TRAF2: variants seen among roughly 807,000 people sequenced by gnomAD.
TRAF2 encodes the protein TNF receptor associated factor 2, also known as TNF receptor-associated factor 2.
A neutral mutation model predicts 55.6 loss-of-function variants in TRAF2; 6 were observed. The ratio of observed to expected loss-of-function variants is 0.11; its 90% CI spans 0.06 to 0.21. TRAF2 has a LOEUF of 0.21. Ranked by LOEUF, TRAF2 falls within the 10% of genes least tolerant of loss-of-function variation. The pLI is 1.00. For synonymous variants in TRAF2, 329 were observed against 276.3 expected, an observed-to-expected ratio of 1.19 and a Z score of -1.89; for missense variants, 561 against 684.5, an observed-to-expected ratio of 0.82 and a Z score of 2.01.
chr9:136,901,410 A>G (rs1849817286), intron 4 of TRAF2, among the ~76,000 whole-genome samples: 1 of 152,224 alleles, frequency 6.6e-6, no homozygotes, highest in Non-Finnish European at 1.5e-5. Context: ...CTGTGCACAC[A>G]GTGGGATATG....
rs150041289 is a variant in TRAF2, at chr9:136,916,437, G to A, written c.604-104G>A. ...TCAGTGTGAGAGTGAAGAGGCCAAC[G>A]GGGCAGGTCATGTAACCTCTGTGTC... On this transcript the variant is annotated intron_variant, in intron 6 of 10. Transcript: ENST00000247668. 9.6e-4 allele frequency: 1,133 copies of A among 1,174,608 alleles called. 10 individuals are homozygous for A. The African/African-American group carries it at 0.015, about 16-fold the overall frequency. 72.8% of individuals were successfully genotyped at this position (1,174,608 alleles called of 1,614,324 possible). A position where few individuals can be genotyped will look rare whatever the true frequency, so the allele number is the denominator to read the frequency against.
In TRAF2 at chr9:136,921,140, A is replaced by C. The variant is rs777030483; in HGVS notation, c.1063A>C (p.Ile355Leu). 6.8e-6 allele frequency: 11 copies of C among 1,613,974 alleles called. No homozygotes were observed. In the East Asian group the frequency reaches 2.2e-4, roughly 33 times the overall value. Reference protein sequence around the residue: ...MEASTYDGVFIWKISDFARKR... With the variant: ...MEASTYDGVFLWKISDFARKR... ...GGCATCCACCTACGATGGGGTCTTC[A>C]TCTGGAAGATCTCAGACTTCGCCAG... The change falls in exon 9 of 11, where the codon ATC becomes CTC. Residue 355 changes from isoleucine to leucine, a missense_variant. Around this residue, in one of 2 missense-constraint regions of TRAF2, gnomAD observed 426 missense variants for 476.8 expected, o/e 0.89. Transcript: ENST00000247668.
At chr9:136,907,992 C>T in intron 4 of TRAF2, 78 bp from the exon 5 acceptor site, 1 of 1,528,736 alleles carries the variant, frequency 6.5e-7, no homozygotes, top group Admixed American at 1.9e-5. Flanking sequence ...GCTACATCGC[C>T]TTGTGTCCCC....
intron 1 of TRAF2, among the ~76,000 whole-genome samples, chr9:136,888,863 C>A (rs1183761959): frequency 6.6e-6 from 1 of 152,148 alleles, no homozygotes; most frequent in African/African-American, 2.4e-5. Context: ...AACAAGGGTG[C>A]CAGATGCCCC....
chr9:136,922,638 G>A lies in TRAF2; in HGVS notation c.1139-1214G>A, dbSNP rs190461192. On this transcript the variant is annotated intron_variant, in intron 9 of 10. Transcript: ENST00000247668. ...GAGGATGGGGAGGATGGGCCTGGGG[G>A]CACGGTGGAGGACGAGGATGGGGAG... 1,179 of 154,326 alleles carry A rather than the reference G, an allele frequency of 7.6e-3. 5 individuals are homozygous for A. Among genetic ancestry groups the A allele is most frequent in the Middle Eastern group, 0.016 (5 of 322 alleles). 9.6% of individuals were successfully genotyped at this position (154,326 alleles called of 1,614,324 possible).
At chr9:136,911,129 C>A (rs1369478239) in intron 6 of TRAF2, among the ~76,000 whole-genome samples, 1 of 152,208 alleles carries the variant, frequency 6.6e-6, no homozygotes, top group Non-Finnish European at 1.5e-5. Context: ...GTGATTCTTT[C>A]CTTGAGACTG....
chr9:136,885,246 TG>T (rs1430700613), upstream of TRAF2, among the ~76,000 whole-genome samples: 1 of 152,238 alleles, frequency 6.6e-6, no homozygotes, highest in Non-Finnish European at 1.5e-5. Context: ...ATTCCATCCT[TG>T]AGGAGTCCCG....
At chr9:136,914,898 G>A (rs1005367315) in intron 6 of TRAF2, among the ~76,000 whole-genome samples, 7 of 151,884 alleles carry the variant, frequency 4.6e-5, no homozygotes, top group Middle Eastern at 3.4e-3. Context: ...AAAAAAAAAA[G>A]GCCGGGTGCG....
At chr9:136,892,192 G>A (rs1036287854) in intron 1 of TRAF2, among the ~76,000 whole-genome samples, 26 of 151,936 alleles carry the variant, frequency 1.7e-4, no homozygotes, top group African/African-American at 5.1e-4. Context: ...GGCCAGGCGC[G>A]GTGGCTCACG....
chr9:136,897,270 A>C (rs1246606428), intron 1 of TRAF2, among the ~76,000 whole-genome samples: 4 of 150,558 alleles, frequency 2.7e-5, no homozygotes, highest in Non-Finnish European at 1.5e-5. Context: ...CATGGCACTG[A>C]GTGGCTGAGG....
chr9:136,908,339 C>G (rs945738111), intron 5 of TRAF2, 108 bp downstream of exon 5: 5 of 1,237,086 alleles, frequency 4.0e-6, no homozygotes, highest in Non-Finnish European at 5.4e-6. Flanking sequence ...ACTCGTTCCA[C>G]CCCCTCGGCC....
chr9:136,913,432 G>T (rs1173132357), intron 6 of TRAF2, among the ~76,000 whole-genome samples: 1 of 149,970 alleles, frequency 6.7e-6, no homozygotes, highest in Non-Finnish European at 1.5e-5. Context: ...CTAGTAGCTG[G>T]GATTACAGGT....
At chr9:136,917,382 C>T (rs1199669016) in intron 7 of TRAF2, among the ~76,000 whole-genome samples, 2 of 152,236 alleles carry the variant, frequency 1.3e-5, no homozygotes, top group Admixed American at 6.5e-5. Flanking sequence ...AATGGCCAGG[C>T]GCCTGGGTCT....
At chr9:136,889,008 G>T (rs936366233) in intron 1 of TRAF2, among the ~76,000 whole-genome samples, 5 of 151,972 alleles carry the variant, frequency 3.3e-5, no homozygotes, top group African/African-American at 1.2e-4. Context: ...TGGACTACAG[G>T]CACCCGCCAC....
At chr9:136,897,062 C>T (rs1413813960) in intron 1 of TRAF2, among the ~76,000 whole-genome samples, 1 of 152,218 alleles carries the variant, frequency 6.6e-6, no homozygotes, top group African/African-American at 2.4e-5. Context: ...CAGGCCCCTT[C>T]CTGAGGTTCC....
At position 136,926,360 on chromosome 9, in the gene TRAF2, A is replaced by G. The variant is rs1340774014; in HGVS notation, c.*459A>G. ...GGCCTCCTGCTGGCCAGAGCAAGGA[A>G]GGCTGAGCAGCTTGGTTCTCCCCTC... is the stretch of plus-strand genomic sequence containing the variant. On this transcript the variant is annotated 3_prime_UTR_variant, in exon 11 of 11. Coordinates refer to ENST00000247668, the MANE Select transcript of TRAF2 (RefSeq NM_021138.4). The G allele has an allele frequency of 5.9e-6, 2 of 341,786 alleles. No individual in the cohort carries two copies. The highest frequency in any genetic ancestry group is 1.2e-5 in the Non-Finnish European group (2 of 172,732). 21.2% of individuals were successfully genotyped at this position (341,786 alleles called of 1,614,324 possible).
chr9:136,908,340 C>A (rs1042699782), intron 5 of TRAF2, 109 bp downstream of exon 5: 4 of 1,237,612 alleles, frequency 3.2e-6, no homozygotes, highest in Non-Finnish European at 4.3e-6. Flanking sequence ...CTCGTTCCAC[C>A]CCCTCGGCCC....
intron 6 of TRAF2, among the ~76,000 whole-genome samples, chr9:136,913,684 T>G (rs936843925): frequency 6.6e-6 from 1 of 152,200 alleles, no homozygotes; most frequent in Non-Finnish European, 1.5e-5. Context: ...TTCAGGTTCT[T>G]TTAAAATGTG....
rs142304423 is a variant in TRAF2 at position 136,895,754 on chromosome 9, C to T, written c.-28-2959C>T. Among the ~76,000 whole-genome samples, 27 of 149,624 alleles carry T rather than the reference C, an allele frequency of 1.8e-4. No homozygotes were observed. The East Asian group carries it at 3.7e-3, about 21-fold the overall frequency. On this transcript the variant is annotated intron_variant, in intron 1 of 10. Transcript: ENST00000247668. ...GTCCCAGTTACTTGGGAGGCTGAAG[C>T]ATGAGAATTGCTTGAACCCAGGAGG... is the stretch of plus-strand genomic sequence containing the variant.
Sources: gnomAD v4.1 joint callset for allele counts (sites outside exome capture counted in the v4.1 genomes callset) on GRCh38, gnomAD v4.1.1 for gene constraint, gnomAD v4.1.1 regional missense constraint, MANE v1.5 for transcripts, NCBI Gene and HGNC (gene_info 2026-07-23, HGNC 2026-07-21) for gene names.